RSPH4A: variants seen among roughly 807,000 people sequenced by gnomAD.
RSPH4A encodes radial spoke head component 4A.
Under a neutral mutation model 71.0 loss-of-function variants are expected in RSPH4A, and 47 were observed. The ratio of observed to expected loss-of-function variants is 0.66; its 90% CI spans 0.52 to 0.84. The LOEUF (loss-of-function observed/expected upper bound fraction) is 0.84, where lower values mean the gene tolerates loss of function less well. Among genes scored for constraint, RSPH4A ranks in the 40% least tolerant of loss-of-function variants. The pLI, the probability that RSPH4A is intolerant of heterozygous loss-of-function variation, is 0.00. For synonymous variants in RSPH4A, 282 were observed against 302.3 expected (o/e 0.93, Z 0.70); for missense variants, 793 against 855.2 (o/e 0.93, Z 0.91).
chr6:116,626,240 A>G (rs891973364), intron 2 of RSPH4A, among the ~76,000 whole-genome samples: 2 of 152,200 alleles, frequency 1.3e-5, no homozygotes, highest in Non-Finnish European at 2.9e-5. Context: ...ATTTGTAAGA[A>G]CAGCAGAGCT....
chr6:116,629,064 T>TA (rs1775749530), intron 3 of RSPH4A, among the ~76,000 whole-genome samples: 1 of 152,230 alleles, frequency 6.6e-6, no homozygotes, highest in African/African-American at 2.4e-5. Context: ...ACCCCTGTGC[T>TA]ATATTACCTC....
chr6:116,628,833 T>C (rs1775743312), intron 3 of RSPH4A, among the ~76,000 whole-genome samples: 1 of 152,228 alleles, frequency 6.6e-6, no homozygotes, highest in African/African-American at 2.4e-5. Flanking sequence ...ATAGCAGTTA[T>C]ATAATACCTA....
In RSPH4A at chr6:116,629,681, A is replaced by C; in HGVS notation, c.1777A>C (p.Thr593Pro). 1.2e-6 allele frequency: 2 copies of C among 1,612,374 alleles called. No homozygotes were observed. Among genetic ancestry groups the C allele is most frequent in the Non-Finnish European group, 1.7e-6 (2 of 1,178,476 alleles). The change falls in exon 4 of 6, where the codon ACA (threonine) becomes CCA (proline). Residue 593 changes from threonine to proline, a missense_variant. Coordinates refer to ENST00000229554, the MANE Select transcript of RSPH4A (RefSeq NM_001010892.3). Reference protein sequence around the residue: ...IEQEVGLPLLTPISEDLEIQN... With the variant: ...IEQEVGLPLLPPISEDLEIQN... Reference sequence around the variant, plus strand: ...ACAGGAAGTGGGGCTTCCTCTTTTGACACCAATCTCTGAAGATTTAGGTTA... The same window carrying C: ...ACAGGAAGTGGGGCTTCCTCTTTTGCCACCAATCTCTGAAGATTTAGGTTA...
rs1775527026 is a variant in RSPH4A at position 116,617,325 on chromosome 6, A to G, written c.686+16A>G. On this transcript the variant is annotated intron_variant, in intron 1 of 5. Transcript: ENST00000229554. The stretch of plus-strand genomic sequence containing the variant: ...GCTTTAATCTGTAAGTCTCAGAGGG[A>G]AAAAAGATAAATGTTTGGCAAAGCA... The G allele has an allele frequency of 6.3e-7, 1 of 1,591,142 alleles. No individual in the cohort carries two copies. Among genetic ancestry groups the G allele is most frequent in the Non-Finnish European group, 8.6e-7 (1 of 1,164,542 alleles).
intron 5 of RSPH4A, among the ~76,000 whole-genome samples, chr6:116,630,782 C>T (rs555154053): frequency 5.8e-4 from 82 of 141,826 alleles, no homozygotes; most frequent in Middle Eastern, 4.1e-3. Context: ...AAGCCATTCT[C>T]CTGCCTCAGC....
Position 116,628,339 on chromosome 6 carries a change from G to T in RSPH4A, c.1632G>T (p.Trp544Cys). 6.2e-7 allele frequency: 1 copy of T among 1,612,926 alleles called. No individual in the cohort carries two copies. Among genetic ancestry groups the T allele is most frequent in the Non-Finnish European group, 8.5e-7 (1 of 1,179,734 alleles). The stretch of plus-strand genomic sequence containing the variant: ...ATCTAGTAGAATCCCTATCCAATTG[G>T]GTTCATCATGTACAGCATATTCTCT... ...VIDLVESLSN[W>C]VHHVQHILSQ... The change falls in exon 3 of 6, where the codon TGG (tryptophan) becomes TGT (cysteine). Residue 544 changes from tryptophan (W) to cysteine (C), a missense_variant. Physicochemically the swap from Trp to Cys is radical, Grantham distance 215 (BLOSUM62 -2). Transcript: ENST00000229554.
chr6:116,625,138 T>C (rs560361950), intron 2 of RSPH4A, among the ~76,000 whole-genome samples: 2 of 152,298 alleles, frequency 1.3e-5, no homozygotes, highest in Non-Finnish European at 2.9e-5. Flanking sequence ...TGGCTTATAA[T>C]AGGAACTTAA....
At position 116,628,475 on chromosome 6, in the gene RSPH4A, T is replaced by G. The variant is rs186074347; in HGVS notation, c.1662+106T>G. ...CAAAATAAAGGCCTTTGGACTCTAT[T>G]TAATAGGCAGGAAAAGAGATAATTA... On this transcript the variant is annotated intron_variant, in intron 3 of 5. Coordinates refer to ENST00000229554, the MANE Select transcript of RSPH4A (RefSeq NM_001010892.3). 9.1e-6 allele frequency: 8 copies of G among 874,970 alleles called. No homozygotes were observed. The African/African-American group carries it at 1.2e-4, about 13-fold the overall frequency. 54.2% of individuals were successfully genotyped at this position (874,970 alleles called of 1,614,324 possible).
chr6:116,622,974 G>T lies in RSPH4A; in HGVS notation c.893G>T (p.Gly298Val). The change falls in exon 2 of 6, where the codon GGA becomes GTA. Residue 298 changes from glycine (G) to valine (V), a missense_variant. Transcript: ENST00000229554. ...CTTTTTCTCCAGGGACATTTGGAAG[G>T]AGTTGACCAAGAATTGGAAGATGAA... is the stretch of plus-strand genomic sequence containing the variant. ...KALFLQGHLEGVDQELEDEIA... is the reference protein window; with the variant it reads ...KALFLQGHLEVVDQELEDEIA... The T allele has an allele frequency of 6.2e-7, 1 of 1,611,678 alleles. No homozygotes were observed. The highest frequency in any genetic ancestry group is 1.1e-5 in the South Asian group (1 of 91,014).
intron 1 of RSPH4A, 112 bp from the exon 2 acceptor site, chr6:116,622,655 TC>T (rs1376819000): frequency 1.4e-6 from 1 of 721,442 alleles, no homozygotes; most frequent in Non-Finnish European, 2.4e-6. Flanking sequence ...TTTGTTTTTT[TC>T]TTTTTCATTT....
chr6:116,631,120 T>C (rs10485189), intron 5 of RSPH4A, among the ~76,000 whole-genome samples: 4,475 of 152,240 alleles, frequency 0.029, 193 homozygotes, highest in African/African-American at 0.094. Flanking sequence ...TTTTACCCTT[T>C]CATCTTAATT....
At chr6:116,621,008 G>A (rs925741554) in intron 1 of RSPH4A, among the ~76,000 whole-genome samples, 2 of 152,032 alleles carry the variant, frequency 1.3e-5, no homozygotes, top group African/African-American at 4.8e-5. Context: ...ACAGGTGCCT[G>A]CCACCACACC....
rs747816292 is a variant in RSPH4A at position 116,632,475 on chromosome 6, T to A, written c.*34T>A. The A allele has an allele frequency of 2.5e-6, 4 of 1,583,478 alleles. No homozygotes were observed. The highest frequency in any genetic ancestry group is 3.4e-6 in the Non-Finnish European group (4 of 1,163,964). On this transcript the variant is annotated 3_prime_UTR_variant, in exon 6 of 6. Coordinates refer to ENST00000229554, the MANE Select transcript of RSPH4A (RefSeq NM_001010892.3). ...AAATTAGCCTGGTTTTATGTGACAC[T>A]GATACACACACACCCCTTATATGGG... is the stretch of plus-strand genomic sequence containing the variant.
intron 2 of RSPH4A, among the ~76,000 whole-genome samples, chr6:116,624,582 G>T (rs1414474400): frequency 6.6e-6 from 1 of 152,172 alleles, no homozygotes; most frequent in Non-Finnish European, 1.5e-5. Flanking sequence ...GAACAGCTGA[G>T]TCATCAGGTG....
intron 3 of RSPH4A, 122 bp downstream of exon 3, chr6:116,628,491 G>A (rs1775739375): frequency 1.3e-6 from 1 of 785,848 alleles, no homozygotes; most frequent in Non-Finnish European, 2.1e-6. Context: ...GGCAGGAAAA[G>A]AGATAATTAA....
chr6:116,631,868 T>TATC (rs1159255821), intron 5 of RSPH4A, among the ~76,000 whole-genome samples: 2 of 152,194 alleles, frequency 1.3e-5, no homozygotes, highest in African/African-American at 4.8e-5. Context: ...GCTATTTTTA[T>TATC]ATCTTTCTAA....
At chr6:116,618,712 G>A (rs1775551689) in intron 1 of RSPH4A, among the ~76,000 whole-genome samples, 1 of 152,166 alleles carries the variant, frequency 6.6e-6, no homozygotes, top group Non-Finnish European at 1.5e-5. Flanking sequence ...AAAATGTTTG[G>A]GGTTCTGTTT....
In RSPH4A at chr6:116,629,668, G is replaced by A. The variant is rs376516018; in HGVS notation, c.1764G>A (p.Gly588=). The change falls in exon 4 of 6, where the codon GGG becomes GGA. Residue 588 remains glycine, a synonymous_variant. Transcript: ENST00000229554. Reference sequence around the variant, plus strand: ...CTGACTACATAGAACAGGAAGTGGGGCTTCCTCTTTTGACACCAATCTCTG... The same window carrying A: ...CTGACTACATAGAACAGGAAGTGGGACTTCCTCTTTTGACACCAATCTCTG... ...DDSDYIEQEV[G]LPLLTPISED... is the part of the protein sequence containing the mutation. 1.2e-5 allele frequency: 20 copies of A among 1,612,768 alleles called. No homozygotes were observed. The highest frequency in any genetic ancestry group is 1.7e-6 in the Non-Finnish European group (2 of 1,178,944).
chr6:116,632,065 T>G (rs907603504), intron 5 of RSPH4A, 142 bp from the exon 6 acceptor site: 1 of 626,552 alleles, frequency 1.6e-6, no homozygotes. Flanking sequence ...TTGAGGAATA[T>G]TTCACTTCTA....
Sources: gnomAD v4.1 joint callset for allele counts (sites outside exome capture counted in the v4.1 genomes callset) on GRCh38, gnomAD v4.1.1 for gene constraint, MANE v1.5 for transcripts, NCBI Gene and HGNC (gene_info 2026-07-23, HGNC 2026-07-21) for gene names.